IL1RL2: variants seen among roughly 807,000 people sequenced by gnomAD.
IL1RL2 encodes interleukin 1 receptor like 2.
A neutral mutation model predicts 66.8 loss-of-function variants in IL1RL2; 68 were observed. The ratio of observed to expected loss-of-function variants is 1.02; its 90% CI spans 0.84 to 1.25. The LOEUF (loss-of-function observed/expected upper bound fraction) is 1.25. Ranked by LOEUF, IL1RL2 falls within the 50% of genes most tolerant of loss-of-function variation. The pLI is 0.00. For missense variants in IL1RL2, 729 were observed against 709.3 expected (o/e 1.03, Z -0.32); for synonymous variants, 305 against 264.6 (o/e 1.15, Z -1.48).
At chr2:102,237,551 T>C (rs1227112115) in intron 11 of IL1RL2, among the ~76,000 whole-genome samples, 1 of 152,200 alleles carries the variant, frequency 6.6e-6, no homozygotes, top group African/African-American at 2.4e-5. Flanking sequence ...CCCATTTTCC[T>C]CTTGGGTGCA....
intron 4 of IL1RL2, among the ~76,000 whole-genome samples, chr2:102,196,334 G>GT (rs1687780335): frequency 6.6e-6 from 1 of 152,196 alleles, no homozygotes; most frequent in Non-Finnish European, 1.5e-5. Flanking sequence ...AGTGTAAGCA[G>GT]GAGGGGTCAC....
intron 8 of IL1RL2, among the ~76,000 whole-genome samples, chr2:102,220,953 C>T (rs1318177629): frequency 2.6e-5 from 4 of 152,172 alleles, no homozygotes; most frequent in East Asian, 1.9e-4. Context: ...GGGATCTGTG[C>T]GTGGCAGCTT....
Position 102,228,181 on chromosome 2 carries a change from C to T in IL1RL2, c.1135+2140C>T, listed in dbSNP as rs36020963. On this transcript the variant is annotated intron_variant, in intron 9 of 11. Transcript: ENST00000264257. ...ATGAAATTCTCTACAGCTCTGTCTA[C>T]GAGAACTGCCCTGTAATATCTCTGT... is the stretch of plus-strand genomic sequence containing the variant. 5.8e-3 allele frequency among the ~76,000 whole-genome samples: 889 copies of T among 152,280 alleles called. 1 individual carries two copies. Among genetic ancestry groups the T allele is most frequent in the Non-Finnish European group, 9.7e-3 (657 of 68,014 alleles).
intron 10 of IL1RL2, among the ~76,000 whole-genome samples, chr2:102,234,226 C>G (rs1048180286): frequency 6.6e-6 from 1 of 152,188 alleles, no homozygotes; most frequent in Non-Finnish European, 1.5e-5. Context: ...TTTTCCTATC[C>G]TTTTAAAATC....
chr2:102,233,547 A>AT (rs1385820676), intron 10 of IL1RL2, among the ~76,000 whole-genome samples: 1 of 152,102 alleles, frequency 6.6e-6, no homozygotes, highest in Non-Finnish European at 1.5e-5. Context: ...CTTAAAGCTG[A>AT]TTTTATAAAC....
intron 11 of IL1RL2, among the ~76,000 whole-genome samples, chr2:102,236,213 C>A (rs1250824766): frequency 1.3e-5 from 2 of 152,220 alleles, no homozygotes; most frequent in African/African-American, 4.8e-5. Context: ...CATAGCTCAA[C>A]CTTCTGAAGC....
At chr2:102,238,011 T>C (rs938216678) in intron 11 of IL1RL2, among the ~76,000 whole-genome samples, 6 of 152,182 alleles carry the variant, frequency 3.9e-5, no homozygotes. Context: ...CCAGTGTGCC[T>C]TCATCACAGG....
downstream of IL1RL2, among the ~76,000 whole-genome samples, chr2:102,240,163 G>GA (rs1578216494): frequency 6.6e-6 from 1 of 152,112 alleles, no homozygotes; most frequent in East Asian, 1.9e-4. Context: ...GTGGTCCACT[G>GA]AAAAGTTGGG....
chr2:102,229,150 A>T (rs1325122874), intron 9 of IL1RL2, among the ~76,000 whole-genome samples: 1 of 152,228 alleles, frequency 6.6e-6, no homozygotes, highest in African/African-American at 2.4e-5. Flanking sequence ...GGAATTGAAT[A>T]ATCTTTAGAC....
At chr2:102,204,629 C>T (rs1688547588) in intron 5 of IL1RL2, among the ~76,000 whole-genome samples, 1 of 151,824 alleles carries the variant, frequency 6.6e-6, no homozygotes, top group Non-Finnish European at 1.5e-5. Flanking sequence ...CTTGCTTTGT[C>T]TTTTTTTATA....
chr2:102,209,317 C>T (rs1370462610), intron 5 of IL1RL2, among the ~76,000 whole-genome samples: 2 of 152,112 alleles, frequency 1.3e-5, no homozygotes, highest in Non-Finnish European at 2.9e-5. Flanking sequence ...GGTAGAGCCA[C>T]AGACAGTGTT....
intron 2 of IL1RL2, 61 bp downstream of exon 2, chr2:102,187,986 C>T (rs1223805967): frequency 2.7e-6 from 4 of 1,489,804 alleles, no homozygotes; most frequent in African/African-American, 2.8e-5. Context: ...CCTGGCCTGT[C>T]ATTGGGAGCC....
intron 4 of IL1RL2, among the ~76,000 whole-genome samples, chr2:102,193,527 A>AT (rs1168862705): frequency 1.3e-5 from 2 of 152,154 alleles, no homozygotes; most frequent in African/African-American, 4.8e-5. Context: ...AATTTTTTAA[A>AT]TTTTTTGTGT....
intron 10 of IL1RL2, 35 bp downstream of exon 10, chr2:102,233,159 A>C: frequency 6.3e-7 from 1 of 1,580,152 alleles, no homozygotes; most frequent in African/African-American, 1.4e-5. Flanking sequence ...ATAACAAATA[A>C]AAGAAGGAAA....
intron 9 of IL1RL2, among the ~76,000 whole-genome samples, chr2:102,227,837 ACT>A (rs1247436327): frequency 6.6e-6 from 1 of 151,078 alleles, no homozygotes; most frequent in Non-Finnish European, 1.5e-5. Flanking sequence ...TCTGTCAGTG[ACT>A]CTCTCACTGA....
At chr2:102,236,535 G>C (rs1674903138) in intron 11 of IL1RL2, among the ~76,000 whole-genome samples, 1 of 152,118 alleles carries the variant, frequency 6.6e-6, no homozygotes, top group African/African-American at 2.4e-5. Flanking sequence ...ACTTGACATT[G>C]GTCCACTCTT....
chr2:102,231,771 C>T (rs899022575), intron 9 of IL1RL2, among the ~76,000 whole-genome samples: 7 of 152,090 alleles, frequency 4.6e-5, no homozygotes, highest in Non-Finnish European at 8.8e-5. Flanking sequence ...CGACGACATG[C>T]GCCATTGGGT....
intron 5 of IL1RL2, among the ~76,000 whole-genome samples, chr2:102,207,881 T>G (rs1422217949): frequency 6.6e-6 from 1 of 152,214 alleles, no homozygotes; most frequent in Non-Finnish European, 1.5e-5. Flanking sequence ...CTTTAGCTTG[T>G]GGTGGTAAGA....
intron 2 of IL1RL2, among the ~76,000 whole-genome samples, chr2:102,188,158 A>C (rs1366564866): frequency 1.3e-5 from 2 of 152,262 alleles, no homozygotes; most frequent in African/African-American, 2.4e-5. Context: ...GGAAGGAGTT[A>C]GGCAAATTCC....
Sources: allele counts gnomAD v4.1 joint callset (sites outside exome capture counted in the v4.1 genomes callset), GRCh38; gene constraint gnomAD v4.1.1; transcripts MANE v1.5; gene names NCBI Gene and HGNC (gene_info 2026-07-23, HGNC 2026-07-21).